ADGRB3: variants seen among roughly 807,000 people sequenced by gnomAD.
ADGRB3 encodes the protein brain-specific angiogenesis inhibitor 3.
ADGRB3 carries 37 observed loss-of-function variants against 193.4 expected under a neutral mutation model. The observed-to-expected ratio is 0.19, with a 90% CI of 0.15 to 0.25. The LOEUF (loss-of-function observed/expected upper bound fraction) is 0.25, where lower values mean the gene tolerates loss of function less well. ADGRB3 is among the 10% of genes least tolerant of loss of function. The probability of loss-of-function intolerance (pLI) is 1.00; values close to 1 mark genes in which losing one functional copy is unlikely to be tolerated. For synonymous variants in ADGRB3, 690 were observed against 644.2 expected, an observed-to-expected ratio of 1.07 and a Z score of -1.08; for missense variants, 1,637 against 1,852.9, an observed-to-expected ratio of 0.88 and a Z score of 2.14.
intron 3 of ADGRB3, among the ~76,000 whole-genome samples, chr6:68,650,563 C>A (rs868070641): frequency 1.3e-5 from 2 of 151,926 alleles, no homozygotes; most frequent in Non-Finnish European, 2.9e-5. Context: ...AATTTTATAT[C>A]ATTTTAAAAA....
chr6:69,179,999 A>G (rs1046208933), intron 17 of ADGRB3, among the ~76,000 whole-genome samples: 5 of 152,218 alleles, frequency 3.3e-5, no homozygotes, highest in Non-Finnish European at 2.9e-5. Context: ...CAGACTGGGC[A>G]TGTCCACCTG....
chr6:68,730,477 G>A (rs1765752302), intron 3 of ADGRB3, among the ~76,000 whole-genome samples: 1 of 151,638 alleles, frequency 6.6e-6, no homozygotes, highest in Non-Finnish European at 1.5e-5. Context: ...CTCAGGCACT[G>A]TGGAGCCAGA....
At chr6:68,783,413 A>T (rs1766899095) in intron 3 of ADGRB3, among the ~76,000 whole-genome samples, 1 of 151,124 alleles carries the variant, frequency 6.6e-6, no homozygotes, top group South Asian at 2.1e-4. Flanking sequence ...GCTATACTGC[A>T]GTAGCCAATT....
Position 69,031,076 on chromosome 6 carries a change from CTT to C in ADGRB3, c.2107+12578_2107+12579del, listed in dbSNP as rs1266306290. On this transcript the variant is annotated intron_variant, in intron 13 of 31. Transcript: ENST00000370598. ...CTTCTCTTCTCTTCTCTTCTCTTCT[CTT>C]CTCTTCTCTTCTCTTCTCTTCTCTT... Among the ~76,000 whole-genome samples the C allele has an allele frequency of 1.9e-4, 13 of 67,594 alleles. 1 individual carries two copies. The highest frequency in any genetic ancestry group is 8.3e-4 in the South Asian group (2 of 2,398). The allele number at this position is 67,594 out of a possible 152,430, so 44.3% of individuals were successfully genotyped here.
In ADGRB3 at chr6:68,638,983, G is replaced by A; in HGVS notation, c.308G>A (p.Arg103Lys). The change falls in exon 3 of 32, where the codon AGA becomes AAA. Residue 103 changes from arginine (R) to lysine (K), a missense_variant. Around this residue, in one of 7 missense-constraint regions of ADGRB3, gnomAD observed 365 missense variants for 409.8 expected, o/e 0.89. Transcript: ENST00000370598. ...FSHEKIKDLL[R>K]KNHSIMQLCN... ...CATGAAAAAATAAAGGATCTTTTAA[G>A]AAAGAATCATTCTATAATGCAACTC... 1 of 1,613,774 alleles carries A rather than the reference G, an allele frequency of 6.2e-7. No homozygotes were observed. Among genetic ancestry groups the A allele is most frequent in the South Asian group, 1.1e-5 (1 of 91,056 alleles).
intron 3 of ADGRB3, among the ~76,000 whole-genome samples, chr6:68,883,681 C>T (rs1765807246): frequency 1.3e-5 from 2 of 152,298 alleles, no homozygotes; most frequent in Admixed American, 1.3e-4. Flanking sequence ...CTCCTGAAGC[C>T]AGCGAGACCA....
At chr6:69,038,278 T>C (rs1770933656) in intron 13 of ADGRB3, among the ~76,000 whole-genome samples, 1 of 152,084 alleles carries the variant, frequency 6.6e-6, no homozygotes, top group African/African-American at 2.4e-5. Context: ...TTTATTTCTC[T>C]AATAAGGTTT....
chr6:68,969,932 G>A (rs1768509069), intron 8 of ADGRB3, among the ~76,000 whole-genome samples: 1 of 152,120 alleles, frequency 6.6e-6, no homozygotes, highest in Non-Finnish European at 1.5e-5. Context: ...TGCCCATGTG[G>A]CCCTATAGGC....
chr6:68,833,575 T>TTTTTTTTTTTTTTTTTG (rs1554202417), intron 3 of ADGRB3, among the ~76,000 whole-genome samples: 1 of 150,390 alleles, frequency 6.6e-6, no homozygotes, highest in East Asian at 2.0e-4. Context: ...ATTCTTATAT[T>TTTTTTTTTTTTTTTTTG]AAAGAATGAA....
chr6:69,130,976 A>G (rs1470459559), intron 17 of ADGRB3, among the ~76,000 whole-genome samples: 1 of 152,042 alleles, frequency 6.6e-6, no homozygotes, highest in Non-Finnish European at 1.5e-5. Context: ...CTTTTCCTCA[A>G]ATTTTAATTA....
intron 10 of ADGRB3, among the ~76,000 whole-genome samples, chr6:68,980,931 C>T (rs1768891850): frequency 1.3e-5 from 2 of 151,424 alleles, no homozygotes; most frequent in South Asian, 4.1e-4. Context: ...AAAGTCACTC[C>T]AGACCAATTA....
intron 17 of ADGRB3, among the ~76,000 whole-genome samples, chr6:69,126,232 C>CACATGCAT (rs1773846320): frequency 7.2e-6 from 1 of 138,370 alleles, no homozygotes; most frequent in South Asian, 2.3e-4. Context: ...AATAGATACA[C>CACATGCAT]ACATACATAC....
chr6:68,747,443 C>T (rs1582168536), intron 3 of ADGRB3, among the ~76,000 whole-genome samples: 1 of 152,308 alleles, frequency 6.6e-6, no homozygotes, highest in South Asian at 2.1e-4. Flanking sequence ...CTTTTTATTA[C>T]AGTCTGCAAT....
intron 15 of ADGRB3, among the ~76,000 whole-genome samples, chr6:69,061,418 G>A (rs952885490): frequency 1.3e-5 from 2 of 151,888 alleles, no homozygotes; most frequent in Admixed American, 1.3e-4. Flanking sequence ...TGGTTCCACC[G>A]TATCAGAACT....
rs546614703 is a variant in ADGRB3, at chr6:69,205,978, C to A, written c.2481-27312C>A. Among the ~76,000 whole-genome samples, 16 of 142,660 alleles carry A rather than the reference C, an allele frequency of 1.1e-4. 1 individual carries two copies. In the East Asian group the frequency reaches 2.9e-3, roughly 26 times the overall value. The allele number at this position is 142,660 out of a possible 152,430, so 93.6% of individuals were successfully genotyped here. A position where few individuals can be genotyped will look rare whatever the true frequency, so the allele number is the denominator to read the frequency against. ...TTTTTTTTTTTTACATTGTATTAGT[C>A]AGGGTTCTCTAGAGGGACAGAACTA... On this transcript the variant is annotated intron_variant, in intron 17 of 31. Coordinates refer to ENST00000370598, the MANE Select transcript of ADGRB3 (RefSeq NM_001704.3).
chr6:68,725,193 G>A lies in ADGRB3; in HGVS notation c.757+85761G>A, dbSNP rs891226896. Among the ~76,000 whole-genome samples, 6 of 151,616 alleles carry A rather than the reference G, an allele frequency of 4.0e-5. No homozygotes were observed. In the South Asian group the frequency reaches 6.2e-4, roughly 16 times the overall value. ...TGTGCTCATCCCCTGGTTTGTTGGAGGAACAATGGGAGCCAGATGTGGGGC... is the reference window on the plus strand; with the variant it reads ...TGTGCTCATCCCCTGGTTTGTTGGAAGAACAATGGGAGCCAGATGTGGGGC... On this transcript the variant is annotated intron_variant, in intron 3 of 31. Transcript: ENST00000370598.
intron 20 of ADGRB3, among the ~76,000 whole-genome samples, chr6:69,292,216 A>G (rs1344553159): frequency 1.3e-5 from 2 of 152,168 alleles, no homozygotes; most frequent in African/African-American, 4.8e-5. Context: ...TTTGTTTTAG[A>G]TGCCTCAACC....
At chr6:69,206,343 T>G (rs1394793242) in intron 17 of ADGRB3, among the ~76,000 whole-genome samples, 1 of 151,954 alleles carries the variant, frequency 6.6e-6, no homozygotes, top group East Asian at 1.9e-4. Flanking sequence ...TGGGCCTCCC[T>G]TTCCCCGCCC....
chr6:69,034,511 A>G (rs1001508462), intron 13 of ADGRB3, among the ~76,000 whole-genome samples: 1 of 149,206 alleles, frequency 6.7e-6, no homozygotes, highest in African/African-American at 2.4e-5. Flanking sequence ...TTTTAGCTAT[A>G]TAAAATTTAT....
Sources: allele counts gnomAD v4.1 joint callset (sites outside exome capture counted in the v4.1 genomes callset), GRCh38; gene constraint gnomAD v4.1.1; regional missense constraint gnomAD v4.1.1; transcripts MANE v1.5; gene names NCBI Gene and HGNC (gene_info 2026-07-23, HGNC 2026-07-21).